Variants in ALOX15 observed in about 807,000 individuals in gnomAD.
ALOX15 encodes polyunsaturated fatty acid lipoxygenase ALOX15.
In ALOX15, 68 loss-of-function variants were observed where a neutral mutation model predicts 71.7. That is an observed-to-expected ratio of 0.95 (90% CI 0.78 to 1.16). The LOEUF is 1.16. Ranked by LOEUF, ALOX15 falls within the 50% of genes most tolerant of loss-of-function variation. The pLI, the probability that ALOX15 is intolerant of heterozygous loss-of-function variation, is 0.00. For missense variants in ALOX15, 798 were observed against 818.8 expected (o/e 0.97, Z 0.31); for synonymous variants, 346 against 333.3 (o/e 1.04, Z -0.42).
At chr17:4,633,584 G>T in intron 8 of ALOX15, 84 bp from the exon 9 acceptor site, 1 of 1,172,970 alleles carries the variant, frequency 8.5e-7, no homozygotes, top group Non-Finnish European at 1.3e-6. Flanking sequence ...AGCAGGAAAG[G>T]CACCAGGTCT....
Position 4,635,874 on chromosome 17 carries a change from C to T in ALOX15, c.1046G>A (p.Ser349Asn). Reference protein sequence around the residue: ...AWLLAKCWVRSSDFQLHELQS... With the variant: ...AWLLAKCWVRNSDFQLHELQS... Reference sequence around the variant, plus strand: ...CAGCTCATGGAGCTGGAAGTCAGAGCTGCGCACCCAGCATTTGGCCAGAAG... The same window carrying T: ...CAGCTCATGGAGCTGGAAGTCAGAGTTGCGCACCCAGCATTTGGCCAGAAG... Residue 349 changes from serine (S) to asparagine (N), a missense_variant, in exon 8 of 14, where the codon AGC (serine) becomes AAC (asparagine). Ser to Asn is a conservative substitution (Grantham distance 46). Transcript: ENST00000293761. The T allele has an allele frequency of 6.2e-7, 1 of 1,614,272 alleles. No homozygotes were observed. The highest frequency in any genetic ancestry group is 8.5e-7 in the Non-Finnish European group (1 of 1,180,058).
chr17:4,631,299 T>A lies in ALOX15; in HGVS notation c.*301A>T. 2 of 402,888 alleles carry A rather than the reference T, an allele frequency of 5.0e-6. No homozygotes were observed. Among genetic ancestry groups the A allele is most frequent in the Non-Finnish European group, 4.5e-6 (1 of 223,250 alleles). The allele number at this position is 402,888 out of a possible 1,614,324, so 25.0% of individuals were successfully genotyped here. On this transcript the variant is annotated 3_prime_UTR_variant, in exon 14 of 14. Transcript: ENST00000293761. ...AGTAATATGTATTATATCCCCCTATTCTAGTCTTGAAATGATTTATATAAT... is the reference window on the plus strand; with the variant it reads ...AGTAATATGTATTATATCCCCCTATACTAGTCTTGAAATGATTTATATAAT...
At chr17:4,637,616 G>A (rs966437327) in intron 6 of ALOX15, among the ~76,000 whole-genome samples, 5 of 152,092 alleles carry the variant, frequency 3.3e-5, no homozygotes, top group East Asian at 1.9e-4. Context: ...GTTTCACCAC[G>A]TTGCCTAGGC....
chr17:4,638,477 C>T (rs1158720349), intron 5 of ALOX15, 100 bp from the exon 6 acceptor site: 1 of 1,039,744 alleles, frequency 9.6e-7, no homozygotes. Context: ...CAGAGGGACC[C>T]AAGTCTCTGG....
rs1910901700 is a variant in ALOX15 at position 4,631,666 on chromosome 17, A to T, written c.1923T>A (p.Asn641Lys). The stretch of plus-strand genomic sequence containing the variant: ...ACTCGTAGGGCATGTCCAGCTTTGC[A>T]TTCCGGATCTCAATTTCCTTATCCA... ...AALDKEIEIRNAKLDMPYEYL... is the reference protein window; with the variant it reads ...AALDKEIEIRKAKLDMPYEYL... The change falls in exon 14 of 14, where the codon AAT (asparagine) becomes AAA (lysine). Residue 641 changes from asparagine (N) to lysine (K), a missense_variant. Transcript: ENST00000293761. 1.2e-6 allele frequency: 2 copies of T among 1,614,062 alleles called. No homozygotes were observed. The highest frequency in any genetic ancestry group is 1.7e-6 in the Non-Finnish European group (2 of 1,180,044).
intron 7 of ALOX15, 80 bp downstream of exon 7, chr17:4,637,035 T>C (rs559751854): frequency 2.6e-6 from 4 of 1,514,068 alleles, no homozygotes; most frequent in Admixed American, 2.0e-5. Context: ...CCTTTGCAGA[T>C]GGTGCTCAGT....
At chr17:4,637,412 T>A (rs1911135808) in intron 6 of ALOX15, among the ~76,000 whole-genome samples, 154 bp from the exon 7 acceptor site, 1 of 152,166 alleles carries the variant, frequency 6.6e-6, no homozygotes, top group South Asian at 2.1e-4. Flanking sequence ...CATATCATTT[T>A]TTTTTTTAAT....
chr17:4,633,114 TGCACCCCC>T, intron 10 of ALOX15, 24 bp downstream of exon 10: 2 of 1,609,168 alleles, frequency 1.2e-6, no homozygotes, highest in Non-Finnish European at 1.7e-6. Context: ...CACCCCCACT[TGCACCCCC>T]ACTGGCCTTC....
intron 10 of ALOX15, 70 bp downstream of exon 10, chr17:4,633,076 G>A (rs779702448): frequency 1.9e-6 from 3 of 1,609,174 alleles, no homozygotes; most frequent in Non-Finnish European, 2.5e-6. Context: ...ACCAGACGCA[G>A]ACCTCCTGCT....
In ALOX15 at chr17:4,631,884, C is replaced by G. The variant is rs1910911722; in HGVS notation, c.1809+5G>C. Reference sequence around the variant, plus strand: ...TCCTTAGGGCCCTGGGCACTCAGCTCTCACCATAACGGGCTGGCGTCTGCC... The same window carrying G: ...TCCTTAGGGCCCTGGGCACTCAGCTGTCACCATAACGGGCTGGCGTCTGCC... On this transcript the variant is annotated splice_donor_5th_base_variant and intron_variant, in intron 13 of 13. Transcript: ENST00000293761. 2.5e-6 allele frequency: 4 copies of G among 1,610,216 alleles called. No individual in the cohort carries two copies. The highest frequency in any genetic ancestry group is 3.4e-6 in the Non-Finnish European group (4 of 1,177,642).
intron 1 of ALOX15, 68 bp downstream of exon 1, chr17:4,641,449 C>A: frequency 1.3e-6 from 2 of 1,563,988 alleles, no homozygotes; most frequent in Non-Finnish European, 1.7e-6. Context: ...GGGCGCATGT[C>A]CTCCCCGGTA....
Position 4,638,877 on chromosome 17 carries a change from ACT to A in ALOX15, c.513_514del (p.Arg171SerfsTer2). ...CTTGGCCAGCGAAACCTCAAAGTCA[ACT>A]CTCTTGTCTTCCAGAAATCGCTCAT... On this transcript the variant is annotated frameshift_variant, in exon 4 of 14. Transcript: ENST00000293761. LOFTEE classifies it high-confidence loss of function. 1 of 1,613,918 alleles carries A rather than the reference ACT, an allele frequency of 6.2e-7. No individual in the cohort carries two copies. Among genetic ancestry groups the A allele is most frequent in the Non-Finnish European group, 8.5e-7 (1 of 1,179,966 alleles).
chr17:4,632,953 T>C lies in ALOX15; in HGVS notation c.1448A>G (p.Tyr483Cys), dbSNP rs778127458. ...RYVEGIVSLH[Y>C]KTDVAVKDDP... ...GTCTTTCACAGCCACGTCTGTCTTA[T>C]AGTGGAGACTCACGATTCCTTCCAC... Residue 483 changes from tyrosine (Y) to cysteine (C), a missense_variant, in exon 11 of 14, where the codon TAT (tyrosine) becomes TGT (cysteine). Tyr to Cys is a radical substitution (Grantham distance 194). This residue lies in a region of ALOX15 where 490 missense variants were observed against 509.4 expected (regional missense o/e 0.96). Transcript: ENST00000293761. The C allele has an allele frequency of 2.5e-6, 4 of 1,614,150 alleles. No homozygotes were observed. Among genetic ancestry groups the C allele is most frequent in the Non-Finnish European group, 2.5e-6 (3 of 1,180,010 alleles).
rs779834420 is a variant in ALOX15 at position 4,633,323 on chromosome 17, G to A, written c.1249-8C>T. ...CCCACCAGTGCTCATTATCTGAGAA[G>A]TGAGGGTGAGCAGGGTCAGGCGAAT... On this transcript the variant is annotated splice_polypyrimidine_tract_variant and splice_region_variant and intron_variant, in intron 9 of 13. Coordinates refer to ENST00000293761, the MANE Select transcript of ALOX15 (RefSeq NM_001140.5). The A allele has an allele frequency of 2.5e-6, 4 of 1,612,926 alleles. No homozygotes were observed. The highest frequency in any genetic ancestry group is 1.7e-5 in the Admixed American group (1 of 59,994).
At chr17:4,639,268 G>T in intron 2 of ALOX15, 136 bp from the exon 3 acceptor site, 1 of 1,369,202 alleles carries the variant, frequency 7.3e-7, no homozygotes, top group Non-Finnish European at 1.0e-6. Flanking sequence ...CCAGGCTCCA[G>T]CCACTTTGTG....
intron 8 of ALOX15, 26 bp from the exon 9 acceptor site, chr17:4,633,526 C>A (rs1420109144): frequency 6.3e-7 from 1 of 1,589,374 alleles, no homozygotes; most frequent in Non-Finnish European, 8.6e-7. Flanking sequence ...CAGGGAAGGG[C>A]AGAGTCAGAG....
At chr17:4,634,231 A>G (rs1911012594) in intron 8 of ALOX15, among the ~76,000 whole-genome samples, 1 of 152,228 alleles carries the variant, frequency 6.6e-6, no homozygotes, top group Non-Finnish European at 1.5e-5. Flanking sequence ...CTTTCAGTTG[A>G]TTTGCATCAA....
Position 4,633,280 on chromosome 17 carries a change from C to G in ALOX15, c.1284G>C (p.Leu428=), listed in dbSNP as rs1910980874. 1 of 1,614,132 alleles carries G rather than the reference C, an allele frequency of 6.2e-7. No individual in the cohort carries two copies. Residue 428 remains leucine (L), a synonymous_variant, in exon 10 of 14, where the codon CTG becomes CTC. Coordinates refer to ENST00000293761, the MANE Select transcript of ALOX15 (RefSeq NM_001140.5). ...TTAGGAAGGCTCCAGCTTGCTTGAG[C>G]AGCTGCACGTGGCCTCCCCCACCAG... The part of the protein sequence containing the change: ...MSTGGGGHVQ[L]LKQAGAFLTY...
chr17:4,634,133 A>G (rs1911009992), intron 8 of ALOX15, among the ~76,000 whole-genome samples: 1 of 152,206 alleles, frequency 6.6e-6, no homozygotes, highest in South Asian at 2.1e-4. Context: ...CCCATGACAC[A>G]CAATTTACTT....
Sources: allele counts gnomAD v4.1 joint callset (sites outside exome capture counted in the v4.1 genomes callset), GRCh38; gene constraint gnomAD v4.1.1; regional missense constraint gnomAD v4.1.1; transcripts MANE v1.5; gene names NCBI Gene and HGNC (gene_info 2026-07-23, HGNC 2026-07-21).